The following KCNAB2 variants were observed in gnomAD, a reference collection of about 807,000 sequenced individuals.
The protein encoded by KCNAB2 is voltage-gated potassium channel subunit beta-2.
A neutral mutation model predicts 63.6 loss-of-function variants in KCNAB2; 29 were observed. The observed-to-expected ratio is 0.46, with a 90% CI of 0.34 to 0.62. The LOEUF is 0.62. Ranked by LOEUF, KCNAB2 falls within the 20% of genes least tolerant of loss-of-function variation. KCNAB2 has a pLI of 0.01. For synonymous variants in KCNAB2, 222 were observed against 224.2 expected, an observed-to-expected ratio of 0.99 and a Z score of 0.09; for missense variants, 359 against 563.9, an observed-to-expected ratio of 0.64 and a Z score of 3.68.
intron 1 of KCNAB2, among the ~76,000 whole-genome samples, chr1:6,038,822 G>A (rs1412215698): frequency 6.6e-6 from 1 of 152,246 alleles, no homozygotes; most frequent in Non-Finnish European, 1.5e-5. Flanking sequence ...TCAGCCACTT[G>A]GCTAAGTGTC....
intron 2 of KCNAB2, among the ~76,000 whole-genome samples, chr1:6,060,979 T>C (rs1662265535): frequency 6.6e-6 from 1 of 151,340 alleles, no homozygotes; most frequent in South Asian, 2.1e-4. Flanking sequence ...GTTCTGTGCA[T>C]GAGAGGGCAT....
chr1:6,064,628 G>A (rs1346830515), intron 2 of KCNAB2, among the ~76,000 whole-genome samples: 8 of 152,208 alleles, frequency 5.3e-5, no homozygotes, highest in African/African-American at 1.7e-4. Context: ...TGCCTCTTCA[G>A]CAGCCCATGA....
In KCNAB2 at chr1:5,994,528, AT is replaced by A. The variant is rs925068022; in HGVS notation, c.-53+1750del. Among the ~76,000 whole-genome samples the A allele has an allele frequency of 8.2e-5, 12 of 147,234 alleles. No individual in the cohort carries two copies. Among genetic ancestry groups the A allele is most frequent in the South Asian group, 4.3e-4 (2 of 4,624 alleles). ...GGCTTCCCTGTTGACACCCAGGGCC[AT>A]TTTTTTTTTCCCTGCGCCAGTCAGC... On this transcript the variant is annotated intron_variant, in intron 1 of 16. Transcript: ENST00000341524. The surrounding 1 kb of genome is among the most constrained non-coding windows in gnomAD (Gnocchi z 5.4).
chr1:6,035,603 G>A lies in KCNAB2; in HGVS notation c.-53+809G>A, dbSNP rs540842334. Reference sequence around the variant, plus strand: ...TGACACCTGGGAGGGTGGGGAGCTCGTTACTCATCTGGGGCCACCCTGGGA... The same window carrying A: ...TGACACCTGGGAGGGTGGGGAGCTCATTACTCATCTGGGGCCACCCTGGGA... On this transcript the variant is annotated intron_variant, in intron 1 of 15. Transcript: ENST00000164247. This position sits in a 1 kb window ranked among gnomAD's most constrained non-coding sequence, Gnocchi z 5.0. Among the ~76,000 whole-genome samples, 26 of 152,126 alleles carry A rather than the reference G, an allele frequency of 1.7e-4. No individual in the cohort carries two copies. The highest frequency in any genetic ancestry group is 5.1e-4 in the African/African-American group (21 of 41,518).
At chr1:6,084,514 A>G (rs1373360739) in intron 5 of KCNAB2, among the ~76,000 whole-genome samples, 4 of 152,190 alleles carry the variant, frequency 2.6e-5, no homozygotes. Context: ...TGAATAATTT[A>G]CCTTTGAAAA....
chr1:6,000,200 C>G (rs1004050465), intron 1 of KCNAB2, among the ~76,000 whole-genome samples: 2 of 152,164 alleles, frequency 1.3e-5, no homozygotes, highest in East Asian at 3.9e-4. Flanking sequence ...GAGGGTATTG[C>G]CTTTCCATGG....
chr1:6,060,993 C>T (rs554800444), intron 2 of KCNAB2, among the ~76,000 whole-genome samples: 1 of 152,336 alleles, frequency 6.6e-6, no homozygotes, highest in African/African-American at 2.4e-5. Flanking sequence ...AGGGCATCCG[C>T]CCCCTTCCAC....
At chr1:6,062,052 C>T (rs923559891) in intron 2 of KCNAB2, among the ~76,000 whole-genome samples, 62 of 151,892 alleles carry the variant, frequency 4.1e-4, no homozygotes, top group African/African-American at 1.5e-3. Flanking sequence ...GTGGCTCACG[C>T]CTGTAATCCC....
At position 6,100,117 on chromosome 1, in the gene KCNAB2, G is replaced by T; in HGVS notation, c.*1543G>T. The T allele has an allele frequency of 2.1e-6, 3 of 1,435,450 alleles. No homozygotes were observed. The highest frequency in any genetic ancestry group is 2.7e-6 in the Non-Finnish European group (3 of 1,092,046). 88.9% of individuals were successfully genotyped at this position (1,435,450 alleles called of 1,614,324 possible). ...CCTGGAGGAGCCACTATTCCAGAAG[G>T]CTCCACCCTGCCGTCCTGCGGGAGC... On this transcript the variant is annotated 3_prime_UTR_variant, in exon 16 of 16. Coordinates refer to ENST00000378083, the MANE Select transcript of KCNAB2 (RefSeq NM_001199862.2).
chr1:6,018,369 G>A (rs1199396775), intron 1 of KCNAB2, among the ~76,000 whole-genome samples: 1 of 152,186 alleles, frequency 6.6e-6, no homozygotes, highest in East Asian at 1.9e-4. Context: ...TAGGTGCTGT[G>A]TACTGAATGT....
Position 6,086,700 on chromosome 1 carries a change from G to A in KCNAB2, c.426-767G>A, listed in dbSNP as rs1405348077. Among the ~76,000 whole-genome samples, 4 of 152,150 alleles carry A rather than the reference G, an allele frequency of 2.6e-5. No individual in the cohort carries two copies. The highest frequency in any genetic ancestry group is 6.5e-5 in the Admixed American group (1 of 15,270). Reference sequence around the variant, plus strand: ...AGCCACTGGTATGGGCATTTGTCTCGTGTGGACTTAGAGCAGAAGAACGAA... The same window carrying A: ...AGCCACTGGTATGGGCATTTGTCTCATGTGGACTTAGAGCAGAAGAACGAA... On this transcript the variant is annotated intron_variant, in intron 6 of 15. Coordinates refer to ENST00000378083, the MANE Select transcript of KCNAB2 (RefSeq NM_001199862.2). This position sits in a 1 kb window ranked among gnomAD's most constrained non-coding sequence, Gnocchi z 4.2.
intron 1 of KCNAB2, among the ~76,000 whole-genome samples, chr1:6,021,611 A>C (rs985635295): frequency 6.6e-5 from 10 of 152,116 alleles, no homozygotes; most frequent in Non-Finnish European, 1.3e-4. Context: ...GGTATGGTTC[A>C]GTGGTATTGA....
chr1:6,098,120 G>T, intron 15 of KCNAB2: 1 of 1,013,374 alleles, frequency 9.9e-7, no homozygotes, highest in South Asian at 4.1e-5. Context: ...TGTGTCACCC[G>T]GAAGGGTGGC....
At chr1:6,094,289 C>G in intron 10 of KCNAB2, 111 bp from the exon 11 acceptor site, 1 of 764,932 alleles carries the variant, frequency 1.3e-6, no homozygotes. Context: ...AAGACATCTT[C>G]GCAGCCCCTG....
At chr1:6,067,665 T>C (rs1014226193) in intron 2 of KCNAB2, among the ~76,000 whole-genome samples, 1 of 152,226 alleles carries the variant, frequency 6.6e-6, no homozygotes, top group African/African-American at 2.4e-5. Context: ...CTAAGCTTAA[T>C]GACAGTCCAG....
At chr1:6,077,807 G>A (rs1397442584) in intron 4 of KCNAB2, among the ~76,000 whole-genome samples, 6 of 152,258 alleles carry the variant, frequency 3.9e-5, no homozygotes, top group East Asian at 1.9e-4. Context: ...CCTCTTCCCA[G>A]TCACTGTCTT....
intron 11 of KCNAB2, 85 bp from the exon 12 acceptor site, chr1:6,095,238 C>T: frequency 6.9e-7 from 1 of 1,441,058 alleles, no homozygotes; most frequent in African/African-American, 1.4e-5. Flanking sequence ...TCCGGGGACA[C>T]CTTGGTGCCC....
Position 6,098,623 on chromosome 1 carries a change from T to C in KCNAB2, c.*49T>C. The C allele has an allele frequency of 6.3e-7, 1 of 1,597,388 alleles. No homozygotes were observed. The highest frequency in any genetic ancestry group is 8.5e-7 in the Non-Finnish European group (1 of 1,171,022). On this transcript the variant is annotated 3_prime_UTR_variant, in exon 16 of 16. Coordinates refer to ENST00000378083, the MANE Select transcript of KCNAB2 (RefSeq NM_001199862.2). The stretch of plus-strand genomic sequence containing the variant: ...ACAGTTTCCGTTCCCTCCTAGTCTC[T>C]GTTCGCTCGCTTAAGCTGTTTTGAA...
At chr1:6,014,655 A>G (rs1658380216) in intron 1 of KCNAB2, among the ~76,000 whole-genome samples, 1 of 152,220 alleles carries the variant, frequency 6.6e-6, no homozygotes, top group Non-Finnish European at 1.5e-5. Flanking sequence ...ACTCCAGAGA[A>G]GATGAACCTG....
Sources: allele counts gnomAD v4.1 joint callset (sites outside exome capture counted in the v4.1 genomes callset), GRCh38; gene constraint gnomAD v4.1.1; non-coding constraint Gnocchi (gnomAD v3.1); transcripts MANE v1.5; gene names NCBI Gene and HGNC (gene_info 2026-07-23, HGNC 2026-07-21).